Variants in LRBA observed in about 807,000 individuals in gnomAD.
LRBA encodes lipopolysaccharide-responsive and beige-like anchor protein.
Under a neutral mutation model 330.0 loss-of-function variants are expected in LRBA, and 176 were observed. The ratio of observed to expected loss-of-function variants is 0.53; its 90% CI spans 0.47 to 0.60. LRBA has a LOEUF of 0.60. LRBA is among the 20% of genes least tolerant of loss of function. The pLI is 0.00. For synonymous variants in LRBA, 1,230 were observed against 1,193.0 expected (o/e 1.03, Z -0.64); for missense variants, 3,259 against 3,444.8 (o/e 0.95, Z 1.35).
intron 35 of LRBA, among the ~76,000 whole-genome samples, chr4:150,742,645 C>T (rs956597111): frequency 8.5e-5 from 13 of 152,110 alleles, no homozygotes; most frequent in African/African-American, 3.1e-4. Flanking sequence ...TGCCTACAAT[C>T]CCAGCACGTA....
chr4:150,694,219 T>C (rs899151911), intron 36 of LRBA, among the ~76,000 whole-genome samples: 2 of 152,050 alleles, frequency 1.3e-5, no homozygotes, highest in Non-Finnish European at 2.9e-5. Context: ...TTCTTTCTTT[T>C]ACATGGCTAC....
chr4:150,707,954 A>G (rs189157162), intron 36 of LRBA, among the ~76,000 whole-genome samples: 2 of 151,894 alleles, frequency 1.3e-5, no homozygotes, highest in African/African-American at 2.4e-5. Context: ...ACATTAGTCA[A>G]TAAATACAAA....
At chr4:150,965,775 C>G (rs1477623657) in intron 2 of LRBA, among the ~76,000 whole-genome samples, 1 of 151,340 alleles carries the variant, frequency 6.6e-6, no homozygotes, top group African/African-American at 2.4e-5. Flanking sequence ...AACTCCTGGG[C>G]TTAAACAGTC....
intron 40 of LRBA, among the ~76,000 whole-genome samples, chr4:150,511,103 C>T (rs1288499792): frequency 2.0e-5 from 3 of 152,174 alleles, no homozygotes; most frequent in Non-Finnish European, 2.9e-5. Context: ...GGTCATCCTC[C>T]GGCCTTGGCC....
intron 46 of LRBA, chr4:150,423,225 G>A (rs539966160): frequency 2.4e-4 from 316 of 1,344,612 alleles, no homozygotes; most frequent in Non-Finnish European, 3.2e-4. Context: ...TCACCCAAAC[G>A]CTGCCAAGCA....
intron 5 of LRBA, 28 bp from the exon 6 acceptor site, chr4:150,916,766 A>G: frequency 6.6e-7 from 1 of 1,507,120 alleles, no homozygotes; most frequent in Non-Finnish European, 8.8e-7. Context: ...TGAGTTATTA[A>G]CTCACGTGAA....
chr4:150,643,571 C>T (rs1778876175), intron 37 of LRBA, among the ~76,000 whole-genome samples: 1 of 151,874 alleles, frequency 6.6e-6, no homozygotes, highest in Non-Finnish European at 1.5e-5. Context: ...AATACAGGAG[C>T]ATGGTATGTT....
intron 37 of LRBA, among the ~76,000 whole-genome samples, chr4:150,615,534 T>A (rs557865420): frequency 6.6e-5 from 10 of 152,220 alleles, no homozygotes; most frequent in African/African-American, 2.4e-4. Context: ...AGATCATATA[T>A]GGGATGTGAG....
chr4:151,009,618 G>A (rs1000779163), intron 2 of LRBA, among the ~76,000 whole-genome samples: 1 of 151,938 alleles, frequency 6.6e-6, no homozygotes, highest in Non-Finnish European at 1.5e-5. Flanking sequence ...AGGAGACTGA[G>A]GCAGGAGAGC....
rs144646971 is a variant in LRBA at position 150,624,644 on chromosome 4, C to T, written c.5922-25513G>A. Among the ~76,000 whole-genome samples the T allele has an allele frequency of 8.3e-3, 1,261 of 152,148 alleles. 12 individuals are homozygous for T. Among genetic ancestry groups the T allele is most frequent in the African/African-American group, 0.029 (1,195 of 41,542 alleles). On this transcript the variant is annotated intron_variant, in intron 37 of 56. Transcript: ENST00000651943. ...TGTTTATACATGTTTATAAACTACA[C>T]ATATTTATACAACTAATGCGTATAT... is the stretch of plus-strand genomic sequence containing the variant.
At chr4:150,712,701 C>G (rs1786344163) in intron 36 of LRBA, among the ~76,000 whole-genome samples, 1 of 152,072 alleles carries the variant, frequency 6.6e-6, no homozygotes, top group Admixed American at 6.6e-5. Context: ...GCTACGATTA[C>G]AATTCTACTG....
chr4:150,408,561 T>G (rs1746517821), intron 47 of LRBA, among the ~76,000 whole-genome samples: 1 of 152,074 alleles, frequency 6.6e-6, no homozygotes, highest in African/African-American at 2.4e-5. Flanking sequence ...ATTACCCTGA[T>G]AATAAAGTCA....
intron 44 of LRBA, among the ~76,000 whole-genome samples, chr4:150,448,487 A>G (rs987637384): frequency 3.9e-5 from 6 of 152,086 alleles, no homozygotes; most frequent in African/African-American, 1.4e-4. Flanking sequence ...CATGGGAGGA[A>G]GAGGTAGTCA....
At chr4:150,792,843 G>A (rs1483817937) in intron 34 of LRBA, among the ~76,000 whole-genome samples, 1 of 152,130 alleles carries the variant, frequency 6.6e-6, no homozygotes, top group East Asian at 1.9e-4. Flanking sequence ...CACTTTGGGA[G>A]GCCTAGGCGG....
chr4:150,615,367 G>A (rs912649394), intron 37 of LRBA, among the ~76,000 whole-genome samples: 49 of 152,180 alleles, frequency 3.2e-4, no homozygotes, highest in Admixed American at 2.9e-3. Flanking sequence ...TCCTGCAAGA[G>A]CCTGGCTGTG....
At chr4:150,447,722 T>C (rs1190137874) in intron 44 of LRBA, among the ~76,000 whole-genome samples, 1 of 152,208 alleles carries the variant, frequency 6.6e-6, no homozygotes, top group Admixed American at 6.5e-5. Flanking sequence ...ATGAAATTAA[T>C]TCATAAGGTA....
intron 2 of LRBA, among the ~76,000 whole-genome samples, chr4:150,984,884 T>C (rs1037579622): frequency 1.3e-5 from 2 of 152,252 alleles, no homozygotes; most frequent in Non-Finnish European, 2.9e-5. Flanking sequence ...ATCACAAAAC[T>C]GTTCTTCCTA....
intron 47 of LRBA, among the ~76,000 whole-genome samples, chr4:150,395,019 C>T (rs944493732): frequency 3.3e-5 from 5 of 151,986 alleles, no homozygotes; most frequent in African/African-American, 7.3e-5. Flanking sequence ...ACTAGAAGGA[C>T]GTTATTACCA....
chr4:150,944,147 C>T (rs2149531473), intron 2 of LRBA, among the ~76,000 whole-genome samples: 1 of 152,308 alleles, frequency 6.6e-6, no homozygotes, highest in East Asian at 1.9e-4. Flanking sequence ...CCAACCTACT[C>T]CCAAATTCCT....
Sources: gnomAD v4.1 joint callset for allele counts (sites outside exome capture counted in the v4.1 genomes callset) on GRCh38, gnomAD v4.1.1 for gene constraint, MANE v1.5 for transcripts, NCBI Gene and HGNC (gene_info 2026-07-23, HGNC 2026-07-21) for gene names.